The following ANO5 variants were observed in gnomAD, a reference collection of about 807,000 sequenced individuals.
ANO5 encodes the protein anoctamin-5.
ANO5 carries 109 observed loss-of-function variants against 121.0 expected under a neutral mutation model. That is an observed-to-expected ratio of 0.90 (90% CI 0.77 to 1.06). The LOEUF is 1.06. Ranked by LOEUF, ANO5 falls within the 50% of genes least tolerant of loss-of-function variation. The pLI is 0.00. For missense variants in ANO5, 1,064 were observed against 1,078.5 expected (o/e 0.99, Z 0.19); for synonymous variants, 406 against 359.9 (o/e 1.13, Z -1.45).
rs1564959332 is a variant in ANO5, at chr11:22,281,997, T to C, written c.*2232T>C. On this transcript the variant is annotated 3_prime_UTR_variant, in exon 22 of 22. Coordinates refer to ENST00000324559, the MANE Select transcript of ANO5 (RefSeq NM_213599.3). ...AGATTTAAAAATGAAATACAGGTAT[T>C]CGTCACTTTCCTGAAACCATGCTAA... is the stretch of plus-strand genomic sequence containing the variant. 6.6e-6 allele frequency: 1 copy of C among 152,136 alleles called. No individual in the cohort carries two copies. Among genetic ancestry groups the C allele is most frequent in the Non-Finnish European group, 1.5e-5 (1 of 67,974 alleles). 9.4% of individuals were successfully genotyped at this position (152,136 alleles called of 1,614,324 possible).
At chr11:22,212,357 T>C (rs1852308646) in intron 3 of ANO5, among the ~76,000 whole-genome samples, 1 of 151,956 alleles carries the variant, frequency 6.6e-6, no homozygotes, top group Non-Finnish European at 1.5e-5. Flanking sequence ...TTTTGTATAA[T>C]AGTTAGCATT....
At chr11:22,239,775 T>C (rs1853364714) in intron 9 of ANO5, 91 bp downstream of exon 9, 4 of 968,054 alleles carry the variant, frequency 4.1e-6, no homozygotes, top group Non-Finnish European at 6.5e-6. Context: ...TACTATTTTC[T>C]CCCACTACAT....
chr11:22,251,480 G>GCTTTGAACATATA (rs1419998119), intron 12 of ANO5, among the ~76,000 whole-genome samples: 1 of 152,062 alleles, frequency 6.6e-6, no homozygotes, highest in Non-Finnish European at 1.5e-5. Context: ...CATATAGAAT[G>GCTTTGAACATATA]GAATTTCCCT....
chr11:22,215,629 C>T lies in ANO5; in HGVS notation c.139-2617C>T, dbSNP rs114022321. 9.2e-3 allele frequency among the ~76,000 whole-genome samples: 1,395 copies of T among 152,026 alleles called. 19 individuals carry two copies. Among genetic ancestry groups the T allele is most frequent in the African/African-American group, 0.032 (1,331 of 41,526 alleles). On this transcript the variant is annotated intron_variant, in intron 3 of 21. Transcript: ENST00000324559. ...ACTGCTTGTCTGAAGTCTTTCGCAT[C>T]TCAACAACATGCATTATATTCTTTT...
At chr11:22,209,860 A>G (rs1852224418) in intron 2 of ANO5, among the ~76,000 whole-genome samples, 1 of 74,046 alleles carries the variant, frequency 1.4e-5, no homozygotes, top group Non-Finnish European at 4.7e-5. Flanking sequence ...GTTTTCTTCT[A>G]TGCTTCTGTA....
At chr11:22,254,825 G>A (rs1482307930) in intron 12 of ANO5, among the ~76,000 whole-genome samples, 2 of 152,026 alleles carry the variant, frequency 1.3e-5, no homozygotes, top group African/African-American at 4.8e-5. Context: ...CTAGAAGCCA[G>A]GAGTTCAAGA....
rs74681807 is a variant in ANO5, at chr11:22,223,248, A to T, written c.294+2038A>T. ...CATGCTTATGGAGACGTTTTATTAC[A>T]GTGAAATGATAAAAAGCAAAACGAG... On this transcript the variant is annotated intron_variant, in intron 5 of 21. Transcript: ENST00000324559. 0.014 allele frequency among the ~76,000 whole-genome samples: 2,057 copies of T among 152,118 alleles called. 151 individuals are homozygous for T. In the East Asian group the frequency reaches 0.21, roughly 16 times the overall value.
intron 9 of ANO5, among the ~76,000 whole-genome samples, chr11:22,249,751 A>C (rs1853738226): frequency 6.6e-6 from 1 of 152,154 alleles, no homozygotes; most frequent in Non-Finnish European, 1.5e-5. Flanking sequence ...AACTTGGAGA[A>C]AGATGGAAAT....
At chr11:22,235,838 A>T (rs1294050215) in intron 7 of ANO5, among the ~76,000 whole-genome samples, 1 of 152,168 alleles carries the variant, frequency 6.6e-6, no homozygotes, top group African/African-American at 2.4e-5. Context: ...TAGTGACATT[A>T]GTATCCTACT....
intron 3 of ANO5, among the ~76,000 whole-genome samples, chr11:22,213,373 A>G (rs1409759553): frequency 6.6e-6 from 1 of 151,560 alleles, no homozygotes; most frequent in Non-Finnish European, 1.5e-5. Context: ...TGATTTTTAT[A>G]TCCTTCACAG....
chr11:22,257,436 A>G (rs1854038803), intron 13 of ANO5, among the ~76,000 whole-genome samples: 1 of 152,148 alleles, frequency 6.6e-6, no homozygotes, highest in Non-Finnish European at 1.5e-5. Context: ...ATTGTAATTC[A>G]GCATTTAGGA....
chr11:22,242,674 T>A (rs1264919587), intron 9 of ANO5, among the ~76,000 whole-genome samples: 1 of 152,098 alleles, frequency 6.6e-6, no homozygotes, highest in Non-Finnish European at 1.5e-5. Context: ...GATTGTGTTC[T>A]TGATTTGACT....
At chr11:22,218,173 C>T (rs1038044452) in intron 3 of ANO5, 73 bp from the exon 4 acceptor site, 1 of 1,511,540 alleles carries the variant, frequency 6.6e-7, no homozygotes, top group Non-Finnish European at 9.1e-7. Context: ...GTTAGTTTGT[C>T]TTTGTCTTTT....
At position 22,203,820 on chromosome 11, in the gene ANO5, G is replaced by A. The variant is rs764506928; in HGVS notation, c.57G>A (p.Lys19=). ...TTAATTTAGGGGAAAAAGTCAATAA[G>A]CATATAGACTACTCTTTCCAAATGA... is the stretch of plus-strand genomic sequence containing the variant. ...VLAEEGEKVN[K]HIDYSFQMSE... The change falls in exon 2 of 22, where the codon AAG becomes AAA. Residue 19 remains lysine (K), a synonymous_variant. Coordinates refer to ENST00000324559, the MANE Select transcript of ANO5 (RefSeq NM_213599.3). The A allele has an allele frequency of 6.8e-7, 1 of 1,473,472 alleles. No individual in the cohort carries two copies. Among genetic ancestry groups the A allele is most frequent in the Admixed American group, 1.7e-5 (1 of 58,454 alleles). 91.3% of individuals were successfully genotyped at this position (1,473,472 alleles called of 1,614,324 possible).
At chr11:22,271,484 A>G (rs1303163502) in intron 18 of ANO5, among the ~76,000 whole-genome samples, 1 of 152,200 alleles carries the variant, frequency 6.6e-6, no homozygotes, top group Non-Finnish European at 1.5e-5. Flanking sequence ...GGACAAATAG[A>G]AGCTATTTTA....
At chr11:22,238,387 C>G (rs2133658374) in intron 8 of ANO5, among the ~76,000 whole-genome samples, 1 of 150,860 alleles carries the variant, frequency 6.6e-6, no homozygotes, top group South Asian at 2.1e-4. Flanking sequence ...CTTCAGTCAT[C>G]AGCAATTTTA....
intron 17 of ANO5, among the ~76,000 whole-genome samples, chr11:22,267,214 A>T (rs112015388): frequency 1.3e-5 from 2 of 152,016 alleles, no homozygotes; most frequent in African/African-American, 4.8e-5. Flanking sequence ...ATTCTCATAT[A>T]CTTACTTCTA....
intron 1 of ANO5, among the ~76,000 whole-genome samples, chr11:22,194,875 T>A (rs922738128): frequency 1.1e-4 from 16 of 152,254 alleles, no homozygotes; most frequent in Non-Finnish European, 1.5e-5. Flanking sequence ...TTTGCTTCTA[T>A]GAATAATGCT....
chr11:22,212,687 C>T (rs76061224), intron 3 of ANO5, among the ~76,000 whole-genome samples: 1 of 151,798 alleles, frequency 6.6e-6, no homozygotes. Flanking sequence ...GGCACAGTAT[C>T]TTAGTATCAT....
Sources: allele counts gnomAD v4.1 joint callset (sites outside exome capture counted in the v4.1 genomes callset), GRCh38; gene constraint gnomAD v4.1.1; transcripts MANE v1.5; gene names NCBI Gene and HGNC (gene_info 2026-07-23, HGNC 2026-07-21).